The following HS6ST3 variants were observed in gnomAD, a reference collection of about 807,000 sequenced individuals.
HS6ST3 encodes the protein heparan-sulfate 6-O-sulfotransferase 3.
Under a neutral mutation model 36.7 loss-of-function variants are expected in HS6ST3, and 12 were observed. The observed-to-expected ratio is 0.33, with a 90% CI of 0.21 to 0.53. The LOEUF is 0.53. Ranked by LOEUF, HS6ST3 falls within the 20% of genes least tolerant of loss-of-function variation. HS6ST3 has a pLI of 0.95. For missense variants in HS6ST3, 584 were observed against 640.9 expected (o/e 0.91, Z 0.96); for synonymous variants, 240 against 257.5 (o/e 0.93, Z 0.65).
chr13:96,158,577 C>A (rs889159094), intron 1 of HS6ST3, among the ~76,000 whole-genome samples: 1 of 132,114 alleles, frequency 7.6e-6, no homozygotes. Flanking sequence ...CACCTGAACC[C>A]GGGAGGCCGA....
intron 1 of HS6ST3, among the ~76,000 whole-genome samples, chr13:96,256,892 C>T (rs1010157621): frequency 1.2e-4 from 18 of 151,342 alleles, no homozygotes; most frequent in African/African-American, 3.9e-4. Context: ...ATATTTACGT[C>T]GGGACAACAG....
chr13:96,415,377 CA>C (rs1481518811), intron 1 of HS6ST3, among the ~76,000 whole-genome samples: 6 of 152,352 alleles, frequency 3.9e-5, no homozygotes, highest in African/African-American at 1.2e-4. Flanking sequence ...TAAAGCCTCT[CA>C]CAGCCCAGTG....
At chr13:96,583,176 T>C (rs2056347886) in intron 1 of HS6ST3, among the ~76,000 whole-genome samples, 1 of 150,908 alleles carries the variant, frequency 6.6e-6, no homozygotes, top group African/African-American at 2.4e-5. Context: ...CTTAAAACGT[T>C]TTAATGGCTT....
chr13:96,099,293 T>C (rs972559357), intron 1 of HS6ST3, among the ~76,000 whole-genome samples: 2 of 152,166 alleles, frequency 1.3e-5, no homozygotes, highest in African/African-American at 4.8e-5. Context: ...ACCTGTAGCA[T>C]CTTTTTTGAA....
chr13:96,305,169 A>AT (rs916247607), intron 1 of HS6ST3, among the ~76,000 whole-genome samples: 1 of 151,898 alleles, frequency 6.6e-6, no homozygotes, highest in Non-Finnish European at 1.5e-5. Flanking sequence ...AGCCTAATGG[A>AT]TTTTTTTTGG....
chr13:96,608,006 T>C, intron 1 of HS6ST3, among the ~76,000 whole-genome samples: 1 of 152,212 alleles, frequency 6.6e-6, no homozygotes, highest in East Asian at 1.9e-4. Context: ...TTTCAGAGAC[T>C]GTTAGATCCA....
chr13:96,453,502 G>A lies in HS6ST3; in HGVS notation c.707+361933G>A, dbSNP rs548943538. Among the ~76,000 whole-genome samples the A allele has an allele frequency of 4.6e-5, 7 of 152,288 alleles. No homozygotes were observed. In the South Asian group the frequency reaches 1.5e-3, roughly 32 times the overall value. On this transcript the variant is annotated intron_variant, in intron 1 of 1. Transcript: ENST00000376705. ...TAGGCCAGCACAAAAGCTGCTATAA[G>A]ATGTGCAGAAACACCGTGGAGAACC...
At chr13:96,747,668 A>G (rs1594850956) in intron 1 of HS6ST3, among the ~76,000 whole-genome samples, 1 of 152,080 alleles carries the variant, frequency 6.6e-6, no homozygotes, top group Non-Finnish European at 1.5e-5. Context: ...ACTAATATAT[A>G]TATACACACA....
intron 1 of HS6ST3, among the ~76,000 whole-genome samples, chr13:96,505,471 G>C (rs567956793): frequency 6.6e-6 from 1 of 152,106 alleles, no homozygotes; most frequent in East Asian, 1.9e-4. Flanking sequence ...TTTGTGCCTG[G>C]GTTTGTCCAA....
chr13:96,690,104 T>C (rs1413099820), intron 1 of HS6ST3, among the ~76,000 whole-genome samples: 1 of 152,114 alleles, frequency 6.6e-6, no homozygotes, highest in East Asian at 1.9e-4. Flanking sequence ...ATTCCTTACG[T>C]CCTTACAAGG....
intron 1 of HS6ST3, among the ~76,000 whole-genome samples, chr13:96,341,284 A>G (rs993017218): frequency 9.2e-5 from 14 of 152,268 alleles, no homozygotes; most frequent in South Asian, 2.1e-4. Flanking sequence ...ATACTTTTTG[A>G]CTATTATTGG....
chr13:96,480,446 G>A (rs1241878285), intron 1 of HS6ST3, among the ~76,000 whole-genome samples: 1 of 152,084 alleles, frequency 6.6e-6, no homozygotes, highest in African/African-American at 2.4e-5. Context: ...GTGTACATGT[G>A]TTTAAGTGTG....
intron 1 of HS6ST3, among the ~76,000 whole-genome samples, chr13:96,817,912 T>C (rs1438869222): frequency 1.3e-5 from 2 of 152,180 alleles, no homozygotes; most frequent in African/African-American, 2.4e-5. Context: ...ATTTTAATCA[T>C]GTATTGATTG....
intron 1 of HS6ST3, among the ~76,000 whole-genome samples, chr13:96,459,229 C>T (rs1241180828): frequency 6.7e-6 from 1 of 149,414 alleles, no homozygotes; most frequent in Non-Finnish European, 1.5e-5. Context: ...ATAATTAATA[C>T]TTATTTGATG....
At chr13:96,657,208 G>A (rs2056628915) in intron 1 of HS6ST3, among the ~76,000 whole-genome samples, 1 of 151,924 alleles carries the variant, frequency 6.6e-6, no homozygotes, top group Non-Finnish European at 1.5e-5. Context: ...AAAATAATGA[G>A]GAGAAATTTT....
chr13:96,762,083 T>A (rs1876985611), intron 1 of HS6ST3, among the ~76,000 whole-genome samples: 1 of 152,144 alleles, frequency 6.6e-6, no homozygotes. Context: ...TATACGTATA[T>A]GTGTAAACTA....
chr13:96,161,501 C>T (rs1157322434), intron 1 of HS6ST3, among the ~76,000 whole-genome samples: 1 of 152,140 alleles, frequency 6.6e-6, no homozygotes, highest in East Asian at 1.9e-4. Flanking sequence ...CTGTATTCTC[C>T]ACTAAGATTC....
intron 1 of HS6ST3, among the ~76,000 whole-genome samples, chr13:96,346,093 G>T (rs943550934): frequency 2.0e-5 from 3 of 152,100 alleles, no homozygotes; most frequent in Non-Finnish European, 4.4e-5. Context: ...GTGGTAATGC[G>T]CTCTTGCCTG....
chr13:96,568,797 G>T (rs1242482936), intron 1 of HS6ST3, among the ~76,000 whole-genome samples: 6 of 152,114 alleles, frequency 3.9e-5, no homozygotes, highest in Non-Finnish European at 7.4e-5. Context: ...TTTTATTCTG[G>T]ACATCTCAAA....
Sources: gnomAD v4.1 joint callset for allele counts (sites outside exome capture counted in the v4.1 genomes callset) on GRCh38, gnomAD v4.1.1 for gene constraint, MANE v1.5 for transcripts, NCBI Gene and HGNC (gene_info 2026-07-23, HGNC 2026-07-21) for gene names.